The following DIABLO variants were observed in gnomAD, a reference collection of about 807,000 sequenced individuals.
The protein encoded by DIABLO is diablo IAP-binding mitochondrial protein, also known as diablo homolog, mitochondrial.
In DIABLO, 32 loss-of-function variants were observed where a neutral mutation model predicts 31.7. The ratio of observed to expected loss-of-function variants is 1.01; its 90% CI spans 0.76 to 1.35. The LOEUF (loss-of-function observed/expected upper bound fraction) is 1.35. DIABLO is among the 40% of genes most tolerant of loss of function. The pLI is 0.00. For missense variants in DIABLO, 316 were observed against 286.4 expected, an observed-to-expected ratio of 1.10 and a Z score of -0.75; for synonymous variants, 132 against 103.2, an observed-to-expected ratio of 1.28 and a Z score of -1.69.
chr12:122,216,735 A>G, intron 4 of DIABLO, 24 bp downstream of exon 4: 1 of 1,607,372 alleles, frequency 6.2e-7, no homozygotes, highest in Non-Finnish European at 8.5e-7. Flanking sequence ...ACTAACACAG[A>G]AATGCCTAGA....
At chr12:122,224,365 G>A (rs1954399092) in intron 2 of DIABLO, 147 bp downstream of exon 2, 2 of 1,164,104 alleles carry the variant, frequency 1.7e-6, no homozygotes, top group Non-Finnish European at 2.6e-6. Flanking sequence ...TAATATATCT[G>A]CTCAACTGTG....
intron 5 of DIABLO, among the ~76,000 whole-genome samples, chr12:122,212,426 T>A (rs1043772643): frequency 6.6e-6 from 1 of 151,700 alleles, no homozygotes; most frequent in Admixed American, 6.5e-5. Flanking sequence ...GGATATCTTT[T>A]ATTCTCACTT....
intron 4 of DIABLO, 22 bp downstream of exon 4, chr12:122,216,737 A>T: frequency 6.2e-7 from 1 of 1,608,590 alleles, no homozygotes; most frequent in Non-Finnish European, 8.5e-7. Flanking sequence ...TAACACAGAA[A>T]TGCCTAGAAC....
intron 2 of DIABLO, chr12:122,220,616 T>G (rs1268928917): frequency 1.3e-5 from 2 of 152,252 alleles, no homozygotes; most frequent in Non-Finnish European, 2.9e-5. Flanking sequence ...GATCTTGCCA[T>G]TGCACTCCAG....
At position 122,215,464 on chromosome 12, in the gene DIABLO, C is replaced by T. The variant is rs375867486; in HGVS notation, c.523+1024G>A. Among the ~76,000 whole-genome samples, 19 of 152,028 alleles carry T rather than the reference C, an allele frequency of 1.2e-4. No individual in the cohort carries two copies. The South Asian group carries it at 2.5e-3, about 20-fold the overall frequency. On this transcript the variant is annotated intron_variant, in intron 5 of 5. Coordinates refer to ENST00000464942, the MANE Select transcript of DIABLO (RefSeq NM_001371333.1). ...ATTAAAAATACAAAAACTAGCTGGGCGTGGTGGCGGGTGCCTGTAATCCCA... is the reference window on the plus strand; with the variant it reads ...ATTAAAAATACAAAAACTAGCTGGGTGTGGTGGCGGGTGCCTGTAATCCCA...
At chr12:122,213,990 CA>C (rs1283538194) in intron 5 of DIABLO, among the ~76,000 whole-genome samples, 1 of 151,974 alleles carries the variant, frequency 6.6e-6, no homozygotes, top group Non-Finnish European at 1.5e-5. Context: ...GAGGCAGAGG[CA>C]AGAGAATTGC....
chr12:122,213,940 C>T (rs1954145062), intron 5 of DIABLO, among the ~76,000 whole-genome samples: 1 of 152,032 alleles, frequency 6.6e-6, no homozygotes, highest in African/African-American at 2.4e-5. Flanking sequence ...AAAAAATTAG[C>T]CAGGCATGGT....
chr12:122,216,721 G>T (rs758764481), intron 4 of DIABLO, 38 bp downstream of exon 4: 2 of 1,580,186 alleles, frequency 1.3e-6, no homozygotes, highest in Non-Finnish European at 1.7e-6. Context: ...CATGAGGTAG[G>T]TGCACTAACA....
chr12:122,226,126 C>T (rs752443707), upstream of DIABLO: 30 of 1,460,762 alleles, frequency 2.1e-5, no homozygotes, highest in Non-Finnish European at 2.7e-5. Flanking sequence ...CACGCCCCCA[C>T]CCAAGGAAGC....
intron 1 of DIABLO, 97 bp downstream of exon 1, chr12:122,225,868 G>A (rs1954453685): frequency 2.5e-5 from 39 of 1,540,476 alleles, no homozygotes; most frequent in Non-Finnish European, 3.3e-5. Flanking sequence ...CGAGAGATGA[G>A]CGCGTAAGGA....
chr12:122,219,172 G>A (rs1954281636), intron 2 of DIABLO, among the ~76,000 whole-genome samples: 1 of 151,582 alleles, frequency 6.6e-6, no homozygotes, highest in East Asian at 2.0e-4. Context: ...GGCAGAGGTT[G>A]CAGTGAGCCG....
At chr12:122,224,374 T>A in intron 2 of DIABLO, 138 bp downstream of exon 2, 1 of 1,292,540 alleles carries the variant, frequency 7.7e-7, no homozygotes, top group South Asian at 1.2e-5. Context: ...TGCTCAACTG[T>A]GAAAAGATGC....
Position 122,216,529 on chromosome 12 carries a change from A to G in DIABLO, c.482T>C (p.Val161Ala), listed in dbSNP as rs780506459. ...TTCTGCTGCCATCTCTGAAAGACCA[A>G]CTGCAGTCATCCAAGTGGTTTCCAG... ...LKLETTWMTA[V>A]GLSEMAAEAA... Residue 161 changes from valine (V) to alanine (A), a missense_variant, in exon 5 of 6, where the codon GTT becomes GCT. Transcript: ENST00000464942. The G allele has an allele frequency of 1.9e-6, 3 of 1,614,164 alleles. No homozygotes were observed. In the East Asian group the frequency reaches 6.7e-5, roughly 36 times the overall value.
intron 2 of DIABLO, chr12:122,221,358 A>G (rs1353213708): frequency 1.3e-5 from 2 of 152,154 alleles, no homozygotes; most frequent in Non-Finnish European, 2.9e-5. Flanking sequence ...GAGACTCACT[A>G]GGGCCCTGGA....
chr12:122,217,979 T>TAAA (rs35010821), intron 3 of DIABLO, among the ~76,000 whole-genome samples: 7 of 140,370 alleles, frequency 5.0e-5, no homozygotes, highest in African/African-American at 1.5e-4. Context: ...GATTTTTCTG[T>TAAA]AAAAAAAAAA....
At chr12:122,223,285 A>G (rs1018476237) in intron 2 of DIABLO, among the ~76,000 whole-genome samples, 58 of 151,612 alleles carry the variant, frequency 3.8e-4, no homozygotes, top group Non-Finnish European at 7.8e-4. Context: ...AAATACAAAA[A>G]CTAGCTGGGT....
In DIABLO at chr12:122,208,596, A is replaced by G; in HGVS notation, c.524-19T>C. ...TCTGCGCCTGCCAAAAGATGGGACA[A>G]TCGGGTTGAGCAGCCGTGCAGGGCG... On this transcript the variant is annotated intron_variant, in intron 5 of 5. Transcript: ENST00000464942. 3 of 1,609,886 alleles carry G rather than the reference A, an allele frequency of 1.9e-6. No individual in the cohort carries two copies. Among genetic ancestry groups the G allele is most frequent in the Non-Finnish European group, 1.7e-6 (2 of 1,179,784 alleles).
At chr12:122,222,932 G>A (rs1216328808) in intron 2 of DIABLO, among the ~76,000 whole-genome samples, 2 of 151,882 alleles carry the variant, frequency 1.3e-5, no homozygotes, top group East Asian at 3.9e-4. Flanking sequence ...AGGGGTTGGG[G>A]ACCCCTAATC....
chr12:122,208,844 A>G (rs1047226186), intron 5 of DIABLO: 7 of 569,824 alleles, frequency 1.2e-5, no homozygotes, highest in Non-Finnish European at 2.0e-5. Context: ...AATCATCTTT[A>G]TAGCTACAGA....
Sources: allele counts gnomAD v4.1 joint callset (sites outside exome capture counted in the v4.1 genomes callset), GRCh38; gene constraint gnomAD v4.1.1; transcripts MANE v1.5; gene names NCBI Gene and HGNC (gene_info 2026-07-23, HGNC 2026-07-21).